Variants in STRBP observed in about 807,000 individuals in gnomAD.
STRBP encodes the protein spermatid perinuclear RNA binding protein.
STRBP carries 13 observed loss-of-function variants against 80.1 expected under a neutral mutation model. The observed-to-expected ratio is 0.16, with a 90% CI of 0.11 to 0.26. STRBP has a LOEUF of 0.26. STRBP is among the 10% of genes least tolerant of loss of function. STRBP has a pLI of 1.00. For synonymous variants in STRBP, 284 were observed against 291.2 expected (o/e 0.98, Z 0.25); for missense variants, 485 against 815.2 (o/e 0.59, Z 4.93).
chr9:123,123,803 A>G lies in STRBP; in HGVS notation c.*1794T>C. 1 of 985,458 alleles carries G rather than the reference A, an allele frequency of 1.0e-6. No individual in the cohort carries two copies. Among genetic ancestry groups the G allele is most frequent in the Non-Finnish European group, 1.2e-6 (1 of 829,942 alleles). 61.0% of individuals were successfully genotyped at this position (985,458 alleles called of 1,614,324 possible). A position where few individuals can be genotyped will look rare whatever the true frequency, so the allele number is the denominator to read the frequency against. ...TACTGTAAAGATTTAATTAATAAAAACTGGACACTATCAGCCATGCTTTTT... is the reference window on the plus strand; with the variant it reads ...TACTGTAAAGATTTAATTAATAAAAGCTGGACACTATCAGCCATGCTTTTT... On this transcript the variant is annotated 3_prime_UTR_variant, in exon 19 of 19. Transcript: ENST00000348403.
chr9:123,143,555 A>G (rs2036681664), intron 13 of STRBP, among the ~76,000 whole-genome samples: 1 of 152,380 alleles, frequency 6.6e-6, no homozygotes, highest in South Asian at 2.1e-4. Flanking sequence ...TTCTCGCTCA[A>G]TTATAAACAA....
At chr9:123,144,830 G>T (rs548218656) in intron 13 of STRBP, among the ~76,000 whole-genome samples, 4 of 152,308 alleles carry the variant, frequency 2.6e-5, no homozygotes, top group South Asian at 2.1e-4. Flanking sequence ...TCATAAACCT[G>T]AGATGTTAGA....
intron 11 of STRBP, among the ~76,000 whole-genome samples, chr9:123,153,868 T>A (rs2037166038): frequency 6.6e-6 from 1 of 151,986 alleles, no homozygotes; most frequent in South Asian, 2.1e-4. Context: ...AGAGAAAGGG[T>A]CTGAGGACTG....
rs376812814 is a variant in STRBP at position 123,130,903 on chromosome 9, C to A, written c.1897+1942G>T. On this transcript the variant is annotated intron_variant, in intron 17 of 18. Coordinates refer to ENST00000348403, the MANE Select transcript of STRBP (RefSeq NM_018387.5). ...TTCTCTTCTGGTCTCCCCCTTTCTTCTTCCCTGCCTCCAGTAGCAATACTA... is the reference window on the plus strand; with the variant it reads ...TTCTCTTCTGGTCTCCCCCTTTCTTATTCCCTGCCTCCAGTAGCAATACTA... Among the ~76,000 whole-genome samples the A allele has an allele frequency of 3.9e-5, 6 of 152,162 alleles. No individual in the cohort carries two copies. The East Asian group carries it at 9.7e-4, about 24-fold the overall frequency.
intron 2 of STRBP, among the ~76,000 whole-genome samples, chr9:123,185,962 G>A (rs2038680045): frequency 6.7e-6 from 1 of 148,220 alleles, no homozygotes; most frequent in African/African-American, 2.5e-5. Flanking sequence ...AACCCGGGAG[G>A]CAGAGCTTGC....
chr9:123,175,460 TA>T (rs1445378757), intron 4 of STRBP, among the ~76,000 whole-genome samples: 1 of 152,116 alleles, frequency 6.6e-6, no homozygotes, highest in Non-Finnish European at 1.5e-5. Flanking sequence ...GAAAGGAAGA[TA>T]AATAATCCAG....
intron 1 of STRBP, among the ~76,000 whole-genome samples, chr9:123,240,523 G>T (rs559846783): frequency 6.6e-6 from 1 of 152,198 alleles, no homozygotes; most frequent in Non-Finnish European, 1.5e-5. Flanking sequence ...CTTTCAACAG[G>T]ATTGATAGAA....
chr9:123,267,882 C>CA (rs2041308766), intron 1 of STRBP, among the ~76,000 whole-genome samples: 1 of 149,526 alleles, frequency 6.7e-6, no homozygotes, highest in African/African-American at 2.5e-5. Flanking sequence ...TGCCCCCCCC[C>CA]ACCGGACGGA....
intron 2 of STRBP, among the ~76,000 whole-genome samples, chr9:123,209,986 G>A (rs1272275884): frequency 1.3e-5 from 2 of 152,146 alleles, no homozygotes; most frequent in Non-Finnish European, 2.9e-5. Flanking sequence ...ACCTTATTCA[G>A]ATACTTGTAT....
intron 16 of STRBP, among the ~76,000 whole-genome samples, chr9:123,135,343 C>T (rs994934786): frequency 5.9e-5 from 9 of 151,934 alleles, no homozygotes; most frequent in Admixed American, 5.2e-4. Context: ...GTTATTATAC[C>T]AGTACTCTCT....
intron 1 of STRBP, among the ~76,000 whole-genome samples, chr9:123,251,494 C>T (rs1242570795): frequency 6.6e-6 from 1 of 152,200 alleles, no homozygotes; most frequent in Non-Finnish European, 1.5e-5. Flanking sequence ...CTCCACTTTA[C>T]CAGGTAACCT....
chr9:123,231,838 CT>C (rs2040406255), intron 2 of STRBP, among the ~76,000 whole-genome samples: 1 of 152,154 alleles, frequency 6.6e-6, no homozygotes, highest in African/African-American at 2.4e-5. Context: ...ATAAACTGGC[CT>C]GGATCTCCCT....
intron 2 of STRBP, chr9:123,212,538 C>T (rs1269586935): frequency 6.6e-6 from 1 of 152,168 alleles, no homozygotes; most frequent in African/African-American, 2.4e-5. Context: ...ACAAGCAACG[C>T]CAGCAATGAT....
At chr9:123,128,371 T>A in intron 17 of STRBP, 113 bp from the exon 18 acceptor site, 1 of 1,185,092 alleles carries the variant, frequency 8.4e-7, no homozygotes, top group Non-Finnish European at 1.2e-6. Context: ...TTCTTCCAGA[T>A]GTTGGATGAA....
intron 1 of STRBP, among the ~76,000 whole-genome samples, chr9:123,256,105 C>T (rs778787198): frequency 9.0e-4 from 123 of 136,256 alleles, no homozygotes; most frequent in Non-Finnish European, 1.5e-3. Context: ...CTCACTACGG[C>T]TTTAACCTCT....
chr9:123,120,403 A>G (rs557645693), downstream of STRBP, among the ~76,000 whole-genome samples: 1 of 147,608 alleles, frequency 6.8e-6, no homozygotes, highest in Admixed American at 7.1e-5. Context: ...CCATTCACAG[A>G]GCAGGTTGTT....
At chr9:123,214,703 T>C (rs904428583) in intron 2 of STRBP, among the ~76,000 whole-genome samples, 1 of 152,158 alleles carries the variant, frequency 6.6e-6, no homozygotes, top group African/African-American at 2.4e-5. Context: ...CCCTCCTCTT[T>C]GTTCTCAAAA....
intron 2 of STRBP, among the ~76,000 whole-genome samples, chr9:123,234,902 G>T (rs1412905091): frequency 6.7e-6 from 1 of 150,048 alleles, no homozygotes; most frequent in African/African-American, 2.5e-5. Context: ...AGAGGTCGCA[G>T]TCAGCTGAGC....
chr9:123,206,468 G>A (rs2039518904), intron 2 of STRBP, among the ~76,000 whole-genome samples: 1 of 152,012 alleles, frequency 6.6e-6, no homozygotes, highest in South Asian at 2.1e-4. Flanking sequence ...GTGGATATCT[G>A]GGATTTTAAA....
Sources: gnomAD v4.1 joint callset for allele counts (sites outside exome capture counted in the v4.1 genomes callset) on GRCh38, gnomAD v4.1.1 for gene constraint, MANE v1.5 for transcripts, NCBI Gene and HGNC (gene_info 2026-07-23, HGNC 2026-07-21) for gene names.